Variants in LMO1 observed in about 807,000 individuals in gnomAD.
LMO1 encodes rhombotin-1.
A neutral mutation model predicts 18.0 loss-of-function variants in LMO1; 10 were observed. The ratio of observed to expected loss-of-function variants is 0.55; its 90% CI spans 0.34 to 0.94. The LOEUF is 0.94. LMO1 is among the 40% of genes least tolerant of loss of function. The probability of loss-of-function intolerance (pLI) is 0.02; values close to 1 mark genes in which losing one functional copy is unlikely to be tolerated. For synonymous variants in LMO1, 77 were observed against 77.9 expected (o/e 0.99, Z 0.06); for missense variants, 183 against 205.7 (o/e 0.89, Z 0.68).
intron 1 of LMO1, among the ~76,000 whole-genome samples, chr11:8,244,149 C>T (rs78359013): frequency 0.011 from 1,749 of 152,176 alleles, 34 homozygotes; most frequent in African/African-American, 0.038. Context: ...ACAGGGAGCC[C>T]TTTCTGGAAT....
upstream of LMO1, among the ~76,000 whole-genome samples, chr11:8,267,517 C>G (rs1027656754): frequency 6.6e-6 from 1 of 152,154 alleles, no homozygotes; most frequent in African/African-American, 2.4e-5. Context: ...GGCGGATGGT[C>G]TCTGGGTCAG....
intron 1 of LMO1, among the ~76,000 whole-genome samples, chr11:8,242,265 C>T (rs1475213412): frequency 4.6e-5 from 7 of 152,208 alleles, no homozygotes; most frequent in Non-Finnish European, 1.5e-5. Flanking sequence ...AAAAACGCAT[C>T]CTCCAGCCCC....
rs981934086 is a variant in LMO1 at position 8,263,443 on chromosome 11, C to G, written c.-81G>C. On this transcript the variant is annotated 5_prime_UTR_variant, in exon 1 of 4. Transcript: ENST00000335790. ...TCGGGGCGCGCTTTGGAGGGGCGGCCGGTCTTCGGGCAGCTAGCGGGCTCT... is the reference window on the plus strand; with the variant it reads ...TCGGGGCGCGCTTTGGAGGGGCGGCGGGTCTTCGGGCAGCTAGCGGGCTCT... 41 of 1,575,132 alleles carry G rather than the reference C, an allele frequency of 2.6e-5. No individual in the cohort carries two copies. In the African/African-American group the frequency reaches 3.7e-4, roughly 14 times the overall value.
At chr11:8,268,133 C>G (rs979133055), upstream of LMO1, among the ~76,000 whole-genome samples, 5 of 152,248 alleles carry the variant, frequency 3.3e-5, no homozygotes, top group African/African-American at 1.2e-4. Flanking sequence ...GGCAAGAGTC[C>G]GTGAGAAAGT....
intron 2 of LMO1, 56 bp from the exon 3 acceptor site, chr11:8,227,156 G>A: frequency 6.3e-7 from 1 of 1,577,682 alleles, no homozygotes. Flanking sequence ...TGGGTGGGCA[G>A]GGGGAAAGGA....
At chr11:8,268,527 C>A (rs1024669227), upstream of LMO1, 10 of 1,206,658 alleles carry the variant, frequency 8.3e-6, no homozygotes, top group Non-Finnish European at 1.1e-5. Context: ...CGGCCGCCTG[C>A]GCTGCTCCCG....
chr11:8,254,517 G>C (rs1456347296), intron 1 of LMO1, among the ~76,000 whole-genome samples: 1 of 152,200 alleles, frequency 6.6e-6, no homozygotes, highest in East Asian at 1.9e-4. Flanking sequence ...AGTCAGCTCA[G>C]GGAACACAGA....
chr11:8,228,119 G>C (rs1311805379), intron 2 of LMO1, among the ~76,000 whole-genome samples: 2 of 152,220 alleles, frequency 1.3e-5, no homozygotes. Flanking sequence ...AAACAGAACT[G>C]ATGCCCAAAG....
At chr11:8,228,320 C>T (rs1259112131) in intron 2 of LMO1, among the ~76,000 whole-genome samples, 1 of 152,266 alleles carries the variant, frequency 6.6e-6, no homozygotes, top group East Asian at 1.9e-4. Flanking sequence ...ACAGAGCAAG[C>T]CCCAAGTGAG....
intron 1 of LMO1, among the ~76,000 whole-genome samples, chr11:8,262,640 G>C (rs1048508857): frequency 1.3e-5 from 2 of 152,188 alleles, no homozygotes; most frequent in Admixed American, 1.3e-4. Context: ...GGCCGCTCCC[G>C]CACAAGTGCT....
In LMO1 at chr11:8,230,277, G is replaced by C. The variant is rs776441975; in HGVS notation, c.239+14C>G. 6.2e-7 allele frequency: 1 copy of C among 1,612,194 alleles called. No individual in the cohort carries two copies. On this transcript the variant is annotated intron_variant, in intron 2 of 3. Coordinates refer to ENST00000335790, the MANE Select transcript of LMO1 (RefSeq NM_002315.3). ...CAGGACAAGGGCTTGGGAGGCCAGG[G>C]TTTGGCAGCCCACCTCAGGTAGTCG...
intron 1 of LMO1, among the ~76,000 whole-genome samples, chr11:8,233,180 CAA>C (rs1045002410): frequency 6.6e-6 from 1 of 152,172 alleles, no homozygotes; most frequent in African/African-American, 2.4e-5. Flanking sequence ...CAGCTTCTGC[CAA>C]AGTGTCCCAT....
intron 1 of LMO1, among the ~76,000 whole-genome samples, chr11:8,247,120 A>T (rs778183593): frequency 6.6e-6 from 1 of 152,236 alleles, no homozygotes; most frequent in Non-Finnish European, 1.5e-5. Context: ...GCATCCTTCA[A>T]GGACTATGCC....
intron 1 of LMO1, among the ~76,000 whole-genome samples, chr11:8,244,121 C>T (rs66747451): frequency 0.17 from 26,237 of 152,236 alleles, 2,826 homozygotes; most frequent in Non-Finnish European, 0.25. Flanking sequence ...ACCGTGGCCT[C>T]GGGCCTGCAG....
At chr11:8,238,865 A>G (rs936523456) in intron 1 of LMO1, among the ~76,000 whole-genome samples, 2 of 152,102 alleles carry the variant, frequency 1.3e-5, no homozygotes, top group Non-Finnish European at 2.9e-5. Flanking sequence ...AACTGCATAT[A>G]TGTGATACCC....
chr11:8,239,503 C>T (rs1228615439), intron 1 of LMO1, among the ~76,000 whole-genome samples: 3 of 152,148 alleles, frequency 2.0e-5, no homozygotes, highest in South Asian at 2.1e-4. Flanking sequence ...ATGTCTGCAT[C>T]GCAGCTTTGA....
At chr11:8,264,690 G>A (rs1847243368), upstream of LMO1, among the ~76,000 whole-genome samples, 1 of 152,096 alleles carries the variant, frequency 6.6e-6, no homozygotes, top group Non-Finnish European at 1.5e-5. Context: ...GGAGTGCAGT[G>A]GTGTGATCTC....
chr11:8,230,938 C>T (rs1454727175), intron 1 of LMO1, among the ~76,000 whole-genome samples: 1 of 152,232 alleles, frequency 6.6e-6, no homozygotes, highest in African/African-American at 2.4e-5. Context: ...CTAGAACCCC[C>T]AGATCTTTGT....
chr11:8,254,966 T>C (rs1430789921), intron 1 of LMO1, among the ~76,000 whole-genome samples: 1 of 152,220 alleles, frequency 6.6e-6, no homozygotes, highest in Non-Finnish European at 1.5e-5. Flanking sequence ...CTAAGGTTCT[T>C]ATGGGTATTA....
Sources: allele counts gnomAD v4.1 joint callset (sites outside exome capture counted in the v4.1 genomes callset), GRCh38; gene constraint gnomAD v4.1.1; transcripts MANE v1.5; gene names NCBI Gene and HGNC (gene_info 2026-07-23, HGNC 2026-07-21).